Variants in DIP2C observed in about 807,000 individuals in gnomAD.
The protein encoded by DIP2C is disco-interacting protein 2 homolog C.
In DIP2C, 33 loss-of-function variants were observed where a neutral mutation model predicts 192.4. The observed-to-expected ratio is 0.17, with a 90% CI of 0.13 to 0.23. The LOEUF is 0.23. DIP2C is among the 10% of genes least tolerant of loss of function. DIP2C has a pLI of 1.00. For synonymous variants in DIP2C, 979 were observed against 864.1 expected, an observed-to-expected ratio of 1.13 and a Z score of -2.33; for missense variants, 1,537 against 2,110.1, an observed-to-expected ratio of 0.73 and a Z score of 5.32.
chr10:578,864 C>G (rs1195053866), intron 1 of DIP2C, among the ~76,000 whole-genome samples: 1 of 152,092 alleles, frequency 6.6e-6, no homozygotes, highest in African/African-American at 2.4e-5. Context: ...CATAGGTACA[C>G]TAACACACAT....
At chr10:509,816 G>A (rs1845889518) in intron 1 of DIP2C, among the ~76,000 whole-genome samples, 1 of 152,014 alleles carries the variant, frequency 6.6e-6, no homozygotes, top group Admixed American at 6.5e-5. Flanking sequence ...GGCATGGAGA[G>A]CAGCTTGGAG....
At chr10:397,911 C>A (rs1254983611) in intron 10 of DIP2C, among the ~76,000 whole-genome samples, 1 of 152,162 alleles carries the variant, frequency 6.6e-6, no homozygotes, top group East Asian at 1.9e-4. Context: ...ACATGCCCCC[C>A]TTACTCCCTC....
chr10:537,105 C>G (rs545682834), intron 1 of DIP2C, among the ~76,000 whole-genome samples: 1 of 152,274 alleles, frequency 6.6e-6, no homozygotes, highest in Non-Finnish European at 1.5e-5. Context: ...AAGTCTGATT[C>G]CCTCTGTGGG....
Position 415,896 on chromosome 10 carries a change from A to C in DIP2C, c.740-8T>G, listed in dbSNP as rs1965596261. ...GGCTACTTACTGGTACTCCTGAAAA[A>C]CAGGAATCAGCGGGTGGGGAAAGCG... On this transcript the variant is annotated splice_region_variant and splice_polypyrimidine_tract_variant and intron_variant, in intron 6 of 36. Transcript: ENST00000280886. 2 of 1,613,560 alleles carry C rather than the reference A, an allele frequency of 1.2e-6. No individual in the cohort carries two copies. The highest frequency in any genetic ancestry group is 1.7e-6 in the Non-Finnish European group (2 of 1,179,924).
intron 1 of DIP2C, among the ~76,000 whole-genome samples, chr10:559,974 C>T (rs12572985): frequency 4.2e-5 from 6 of 142,810 alleles, no homozygotes; most frequent in East Asian, 2.1e-4. Flanking sequence ...CTCTCCCCCC[C>T]ACTCCTGTTC....
intron 17 of DIP2C, among the ~76,000 whole-genome samples, chr10:378,632 CAG>C (rs1260040863): frequency 4.2e-5 from 6 of 142,550 alleles, no homozygotes; most frequent in Admixed American, 7.2e-5. Context: ...CACACGAACA[CAG>C]ACATGCATAA....
intron 22 of DIP2C, 44 bp downstream of exon 22, chr10:362,446 A>T: frequency 6.3e-7 from 1 of 1,596,404 alleles, no homozygotes; most frequent in Non-Finnish European, 8.5e-7. Flanking sequence ...TGCAGCCCCA[A>T]GGGAACTCCC....
chr10:538,390 A>C (rs1847807968), intron 1 of DIP2C, among the ~76,000 whole-genome samples: 1 of 152,220 alleles, frequency 6.6e-6, no homozygotes, highest in African/African-American at 2.4e-5. Flanking sequence ...CCTGGCCTCA[A>C]GGTATCCTTC....
At chr10:420,180 C>T (rs915953526) in intron 5 of DIP2C, among the ~76,000 whole-genome samples, 1 of 152,248 alleles carries the variant, frequency 6.6e-6, no homozygotes, top group Non-Finnish European at 1.5e-5. Flanking sequence ...ATGTCCGCAC[C>T]GTGCCCGGAG....
intron 4 of DIP2C, among the ~76,000 whole-genome samples, chr10:423,572 T>G (rs1966361055): frequency 6.6e-6 from 1 of 152,126 alleles, no homozygotes; most frequent in African/African-American, 2.4e-5. Flanking sequence ...TGTCAGTGTG[T>G]TAGATAACCA....
At chr10:328,309 CAA>C (rs955138805) in intron 30 of DIP2C, among the ~76,000 whole-genome samples, 7 of 152,318 alleles carry the variant, frequency 4.6e-5, no homozygotes, top group African/African-American at 1.7e-4. Flanking sequence ...GGTCTGAAGC[CAA>C]AGATTCTAAA....
chr10:317,694 A>G (rs1027956133), intron 31 of DIP2C, among the ~76,000 whole-genome samples: 1 of 152,128 alleles, frequency 6.6e-6, no homozygotes, highest in Non-Finnish European at 1.5e-5. Flanking sequence ...CCTCATCATG[A>G]TCTCCTGGGT....
In DIP2C at chr10:340,866, G is replaced by A. The variant is rs570904166; in HGVS notation, c.3584+333C>T. The A allele has an allele frequency of 2.2e-4, 105 of 470,042 alleles. No homozygotes were observed. In the East Asian group the frequency reaches 3.4e-3, roughly 15 times the overall value. The allele number at this position is 470,042 out of a possible 1,614,324, so 29.1% of individuals were successfully genotyped here. On this transcript the variant is annotated intron_variant, in intron 29 of 36. Coordinates refer to ENST00000280886, the MANE Select transcript of DIP2C (RefSeq NM_014974.3). Reference sequence around the variant, plus strand: ...AGCCTGCAATGCCTGCTGGCCCAGCGAGAACCCAGGCCCAGCACCATCGCC... The same window carrying A: ...AGCCTGCAATGCCTGCTGGCCCAGCAAGAACCCAGGCCCAGCACCATCGCC...
chr10:513,934 T>C (rs1337946704), intron 1 of DIP2C, among the ~76,000 whole-genome samples: 2 of 152,208 alleles, frequency 1.3e-5, no homozygotes, highest in East Asian at 1.9e-4. Flanking sequence ...TGCCAGGTTG[T>C]ATAGATCCAA....
intron 1 of DIP2C, among the ~76,000 whole-genome samples, chr10:599,976 C>T (rs816620): frequency 0.45 from 68,868 of 151,954 alleles, 17,621 homozygotes; most frequent in East Asian, 0.64. Flanking sequence ...CCAGGACTCT[C>T]TCTAGGCCTT....
intron 1 of DIP2C, among the ~76,000 whole-genome samples, chr10:645,986 T>C (rs1326336973): frequency 6.6e-6 from 1 of 152,238 alleles, no homozygotes; most frequent in Non-Finnish European, 1.5e-5. Flanking sequence ...TCTTTAAATT[T>C]AGGTGAGTTA....
chr10:339,869 C>CA (rs1472655360), intron 29 of DIP2C, among the ~76,000 whole-genome samples: 3 of 152,044 alleles, frequency 2.0e-5, no homozygotes, highest in Non-Finnish European at 4.4e-5. Flanking sequence ...AAATATTAGT[C>CA]ACACATTAAA....
intron 1 of DIP2C, among the ~76,000 whole-genome samples, chr10:509,371 T>C (rs1845853747): frequency 1.3e-5 from 2 of 152,196 alleles, no homozygotes; most frequent in South Asian, 4.1e-4. Flanking sequence ...GCAACAAGTA[T>C]GTGAGCAGCT....
chr10:650,996 G>T, intron 1 of DIP2C: 1 of 717,324 alleles, frequency 1.4e-6, no homozygotes, highest in Non-Finnish European at 2.6e-6. Flanking sequence ...CATCTCTCCC[G>T]GTGCCAGGGC....
Sources: allele counts gnomAD v4.1 joint callset (sites outside exome capture counted in the v4.1 genomes callset), GRCh38; gene constraint gnomAD v4.1.1; transcripts MANE v1.5; gene names NCBI Gene and HGNC (gene_info 2026-07-23, HGNC 2026-07-21).